The following SERAC1 variants were observed in gnomAD, a reference collection of about 807,000 sequenced individuals.
SERAC1 encodes serine active site containing 1, also known as protein SERAC1.
In SERAC1, 36 loss-of-function variants were observed where a neutral mutation model predicts 85.7. That is an observed-to-expected ratio of 0.42 (90% confidence interval 0.32 to 0.55). SERAC1 has a LOEUF of 0.55. SERAC1 is among the 20% of genes least tolerant of loss of function. SERAC1 has a pLI of 0.11. For missense variants in SERAC1, 629 were observed against 796.2 expected (o/e 0.79, Z 2.53); for synonymous variants, 242 against 265.3 (o/e 0.91, Z 0.85).
intron 8 of SERAC1, among the ~76,000 whole-genome samples, chr6:158,131,414 A>G (rs867420641): frequency 1.4e-5 from 2 of 146,928 alleles, no homozygotes; most frequent in African/African-American, 4.9e-5. Flanking sequence ...ATTTATATTT[A>G]TATTTTTATA....
At chr6:158,156,497 G>A (rs574821450) in intron 2 of SERAC1, among the ~76,000 whole-genome samples, 11 of 152,072 alleles carry the variant, frequency 7.2e-5, no homozygotes, top group African/African-American at 2.7e-4. Context: ...GATTCAGCAA[G>A]CATCTTGTGA....
chr6:158,158,717 T>G (rs1399732501), intron 1 of SERAC1: 1 of 170,180 alleles, frequency 5.9e-6, no homozygotes, highest in African/African-American at 2.4e-5. Flanking sequence ...AATATAGGCA[T>G]GAAAAAAATT....
intron 16 of SERAC1, chr6:158,112,883 G>A (rs1256035688): frequency 1.3e-5 from 2 of 148,198 alleles, no homozygotes; most frequent in Non-Finnish European, 3.0e-5. Flanking sequence ...TATGAAGAGA[G>A]TTAATTAAGA....
At chr6:158,124,126 C>A (rs1784481583) in intron 10 of SERAC1, among the ~76,000 whole-genome samples, 3 of 152,034 alleles carry the variant, frequency 2.0e-5, no homozygotes, top group Admixed American at 2.0e-4. Flanking sequence ...TTGGGGTAGA[C>A]CCAGGTTTCA....
At chr6:158,135,514 CAG>C (rs1204725277) in intron 8 of SERAC1, among the ~76,000 whole-genome samples, 2 of 151,894 alleles carry the variant, frequency 1.3e-5, no homozygotes, top group African/African-American at 4.8e-5. Context: ...GCCTGGGTGA[CAG>C]AGCGAGACTT....
chr6:158,110,404 C>A lies in SERAC1; in HGVS notation c.*962G>T, dbSNP rs1002638922. ...CTGTCTCTAAACAAACAAAACAAAACAAAAATGAATTGTATAATTTAAAAG... is the reference window on the plus strand; with the variant it reads ...CTGTCTCTAAACAAACAAAACAAAAAAAAAATGAATTGTATAATTTAAAAG... On this transcript the variant is annotated 3_prime_UTR_variant, in exon 17 of 17. Transcript: ENST00000647468. 6.6e-6 allele frequency: 1 copy of A among 151,716 alleles called. No homozygotes were observed. Among genetic ancestry groups the A allele is most frequent in the African/African-American group, 2.4e-5 (1 of 41,224 alleles). The allele number at this position is 151,716 out of a possible 1,614,324, so 9.4% of individuals were successfully genotyped here.
chr6:158,137,879 C>CA (rs1242887531), intron 8 of SERAC1, among the ~76,000 whole-genome samples: 5 of 150,728 alleles, frequency 3.3e-5, no homozygotes, highest in Non-Finnish European at 7.4e-5. Context: ...ACCCTCATCT[C>CA]AAAAAAAAGG....
In SERAC1 at chr6:158,120,430, T is replaced by C. The variant is rs766963000; in HGVS notation, c.1161A>G (p.Arg387=). The change falls in exon 11 of 17, where the codon CGA becomes CGG. Residue 387 remains arginine (R), a synonymous_variant. Coordinates refer to ENST00000647468, the MANE Select transcript of SERAC1 (RefSeq NM_032861.4). This position sits in a 1 kb window ranked among gnomAD's most constrained non-coding sequence, Gnocchi z 4.4. ...ACTCTCTTCTGCTTCCTTACCTTGT[T>C]CGATATTGGGGATGCAGCACATATA... ...DGVYVLHPQY[R]TSQPIKADVL... is the part of the protein sequence containing the mutation. 14 of 1,611,388 alleles carry C rather than the reference T, an allele frequency of 8.7e-6. No homozygotes were observed. The highest frequency in any genetic ancestry group is 3.3e-5 in the South Asian group (3 of 90,442).
rs145532613 is a variant in SERAC1, at chr6:158,136,763, C to T, written c.739-6277G>A. 2.8e-4 allele frequency among the ~76,000 whole-genome samples: 42 copies of T among 152,318 alleles called. No individual in the cohort carries two copies. The East Asian group carries it at 6.4e-3, about 23-fold the overall frequency. ...ACTGGGCAGACAGATCACTACAAACCAGATGGACTCTCTCCACCCACCATG... is the reference window on the plus strand; with the variant it reads ...ACTGGGCAGACAGATCACTACAAACTAGATGGACTCTCTCCACCCACCATG... On this transcript the variant is annotated intron_variant, in intron 8 of 16. Transcript: ENST00000647468.
intron 4 of SERAC1, 142 bp from the exon 5 acceptor site, chr6:158,149,096 T>C (rs377306701): frequency 1.7e-6 from 1 of 572,764 alleles, no homozygotes; most frequent in Non-Finnish European, 3.0e-6. Context: ...TTCACCCCAT[T>C]CTCCTGCTTC....
intron 14 of SERAC1, among the ~76,000 whole-genome samples, chr6:158,115,875 C>T (rs568835739): frequency 3.3e-5 from 5 of 152,280 alleles, no homozygotes; most frequent in South Asian, 4.1e-4. Flanking sequence ...GGCATGTTGA[C>T]GAGGTGGGTG....
rs1027291513 is a variant in SERAC1 at position 158,111,337 on chromosome 6, C to T, written c.*29G>A. ...AACACCAAGTTTCTTGCACTGAATT[C>T]ACATATGAAAACTGGAAGAGCACAA... On this transcript the variant is annotated 3_prime_UTR_variant, in exon 17 of 17. Coordinates refer to ENST00000647468, the MANE Select transcript of SERAC1 (RefSeq NM_032861.4). 3.2e-6 allele frequency: 5 copies of T among 1,553,202 alleles called. No homozygotes were observed. Among genetic ancestry groups the T allele is most frequent in the Non-Finnish European group, 4.3e-6 (5 of 1,155,274 alleles).
At chr6:158,167,451 T>C (rs947325464) in intron 1 of SERAC1, among the ~76,000 whole-genome samples, 6 of 150,202 alleles carry the variant, frequency 4.0e-5, no homozygotes, top group Admixed American at 4.0e-4. Flanking sequence ...GGCAGGATAA[T>C]TGCTTGAACC....
chr6:158,120,529 C>T lies in SERAC1; in HGVS notation c.1062G>A (p.Met354Ile), dbSNP rs557238627. The T allele has an allele frequency of 6.8e-6, 11 of 1,613,824 alleles. No homozygotes were observed. Among genetic ancestry groups the T allele is most frequent in the Non-Finnish European group, 8.5e-6 (10 of 1,179,960 alleles). ...GGATTCTGGCAGCGTGTGAGGACTCCATAATGTGGGGAGATTTCATTGCTT... is the reference window on the plus strand; with the variant it reads ...GGATTCTGGCAGCGTGTGAGGACTCTATAATGTGGGGAGATTTCATTGCTT... ...MAEAMKSPHI[M>I]ESSHAARILA... The change falls in exon 11 of 17, where the codon ATG becomes ATA. Residue 354 changes from methionine to isoleucine, a missense_variant. Physicochemically the swap from Met to Ile is conservative, Grantham distance 10. Coordinates refer to ENST00000647468, the MANE Select transcript of SERAC1 (RefSeq NM_032861.4). The surrounding 1 kb of genome is among the most constrained non-coding windows in gnomAD (Gnocchi z 4.4).
chr6:158,166,989 C>T (rs972331530), intron 1 of SERAC1, among the ~76,000 whole-genome samples: 14 of 151,848 alleles, frequency 9.2e-5, no homozygotes, highest in African/African-American at 3.4e-4. Context: ...TAATAGCTGA[C>T]ACACATCAAG....
At chr6:158,148,805 A>T in intron 5 of SERAC1, 60 bp downstream of exon 5, 1 of 1,198,794 alleles carries the variant, frequency 8.3e-7, no homozygotes, top group South Asian at 1.4e-5. Context: ...TATCAGGTTG[A>T]TCATTCCAAT....
At position 158,119,226 on chromosome 6, in the gene SERAC1, A is replaced by G; in HGVS notation, c.1167-56T>C. 6.5e-7 allele frequency: 1 copy of G among 1,536,540 alleles called. No individual in the cohort carries two copies. The highest frequency in any genetic ancestry group is 2.4e-5 in the East Asian group (1 of 41,500). ...AGAATAAATGCATTACTGCTTTGGTAAGAATCTACACAGCATTCTCTGTGG... is the reference window on the plus strand; with the variant it reads ...AGAATAAATGCATTACTGCTTTGGTGAGAATCTACACAGCATTCTCTGTGG... On this transcript the variant is annotated intron_variant, in intron 11 of 16. Coordinates refer to ENST00000647468, the MANE Select transcript of SERAC1 (RefSeq NM_032861.4). The surrounding 1 kb of genome is among the most constrained non-coding windows in gnomAD (Gnocchi z 4.5).
At chr6:158,124,377 G>C (rs1784487847) in intron 10 of SERAC1, among the ~76,000 whole-genome samples, 1 of 151,964 alleles carries the variant, frequency 6.6e-6, no homozygotes, top group Admixed American at 6.6e-5. Flanking sequence ...GAATAAAAAA[G>C]GACAAAAGAA....
At chr6:158,125,824 C>T (rs1784526769) in intron 10 of SERAC1, among the ~76,000 whole-genome samples, 1 of 152,100 alleles carries the variant, frequency 6.6e-6, no homozygotes, top group South Asian at 2.1e-4. Context: ...GATCTTACAT[C>T]ATATGAAATG....
Sources: gnomAD v4.1 joint callset for allele counts (sites outside exome capture counted in the v4.1 genomes callset) on GRCh38, gnomAD v4.1.1 for gene constraint, Gnocchi (gnomAD v3.1) non-coding constraint, MANE v1.5 for transcripts, NCBI Gene and HGNC (gene_info 2026-07-23, HGNC 2026-07-21) for gene names.